Variants in MC2R observed in about 807,000 individuals in gnomAD.
MC2R encodes adrenocorticotropic hormone receptor.
In MC2R, 9 loss-of-function variants were observed where a neutral mutation model predicts 9.8. That is an observed-to-expected ratio of 0.92 (90% CI 0.55 to 1.60). The LOEUF is 1.60. Among genes scored for constraint, MC2R ranks in the 40% most tolerant of loss-of-function variants. The probability of loss-of-function intolerance (pLI) is 0.00; values close to 1 mark genes in which losing one functional copy is unlikely to be tolerated. For synonymous variants in MC2R, 185 were observed against 154.7 expected (o/e 1.20, Z -1.45); for missense variants, 370 against 389.0 (o/e 0.95, Z 0.41).
intron 1 of MC2R, among the ~76,000 whole-genome samples, chr18:13,901,933 A>C (rs1462755670): frequency 2.0e-5 from 3 of 152,192 alleles, no homozygotes; most frequent in Non-Finnish European, 4.4e-5. Flanking sequence ...CATCAAAAAA[A>C]GAAAACTATA....
At chr18:13,913,186 A>G (rs2045455908) in intron 1 of MC2R, among the ~76,000 whole-genome samples, 1 of 151,078 alleles carries the variant, frequency 6.6e-6, no homozygotes, top group African/African-American at 2.4e-5. Context: ...CCCAGGCTGG[A>G]GTGTTCTGGT....
chr18:13,896,985 C>A (rs756645766), intron 1 of MC2R, among the ~76,000 whole-genome samples: 1 of 152,212 alleles, frequency 6.6e-6, no homozygotes, highest in Non-Finnish European at 1.5e-5. Flanking sequence ...GAAGGCTCCA[C>A]TGATTGTCCC....
chr18:13,897,333 G>A (rs1050214579), intron 1 of MC2R, among the ~76,000 whole-genome samples: 23 of 152,172 alleles, frequency 1.5e-4, no homozygotes, highest in African/African-American at 4.8e-4. Flanking sequence ...CCCTAGCCAG[G>A]GGGAATCGCT....
intron 1 of MC2R, among the ~76,000 whole-genome samples, chr18:13,906,929 T>G (rs1302154937): frequency 1.3e-5 from 2 of 152,176 alleles, no homozygotes; most frequent in South Asian, 4.1e-4. Context: ...TAATTAATAT[T>G]GTTAAAATTT....
chr18:13,909,532 A>C (rs2149143731), intron 1 of MC2R, among the ~76,000 whole-genome samples: 1 of 152,332 alleles, frequency 6.6e-6, no homozygotes, highest in Non-Finnish European at 1.5e-5. Context: ...GTTCTTCTGC[A>C]TGGGAGATTA....
At chr18:13,906,500 A>T (rs2045415315) in intron 1 of MC2R, among the ~76,000 whole-genome samples, 1 of 152,192 alleles carries the variant, frequency 6.6e-6, no homozygotes, top group African/African-American at 2.4e-5. Flanking sequence ...TGGTACATGT[A>T]TACCTATGTA....
At chr18:13,907,386 G>T (rs1275144387) in intron 1 of MC2R, among the ~76,000 whole-genome samples, 1 of 152,156 alleles carries the variant, frequency 6.6e-6, no homozygotes, top group African/African-American at 2.4e-5. Flanking sequence ...ATGGATTAAA[G>T]ACTTAAATCT....
intron 1 of MC2R, among the ~76,000 whole-genome samples, chr18:13,887,130 A>T (rs567160226): frequency 6.6e-6 from 1 of 151,798 alleles, no homozygotes; most frequent in East Asian, 1.9e-4. Flanking sequence ...GGCCCGGGGA[A>T]GCCTGTGTGC....
At chr18:13,894,840 T>C (rs1170990898) in intron 1 of MC2R, among the ~76,000 whole-genome samples, 1 of 152,228 alleles carries the variant, frequency 6.6e-6, no homozygotes, top group Non-Finnish European at 1.5e-5. Context: ...ATCATATATT[T>C]GTTTAAGCCC....
intron 1 of MC2R, among the ~76,000 whole-genome samples, chr18:13,910,888 C>G (rs1271792783): frequency 6.6e-6 from 1 of 152,228 alleles, no homozygotes; most frequent in Non-Finnish European, 1.5e-5. Context: ...GTCCCAGTGT[C>G]TCTCCTACAA....
intron 1 of MC2R, among the ~76,000 whole-genome samples, chr18:13,893,256 C>T (rs2045327544): frequency 6.6e-6 from 1 of 152,314 alleles, no homozygotes. Context: ...AAGCATTTGT[C>T]TTGTTATCCA....
intron 1 of MC2R, among the ~76,000 whole-genome samples, chr18:13,888,759 G>A (rs542239184): frequency 1.3e-5 from 2 of 152,252 alleles, no homozygotes; most frequent in Admixed American, 1.3e-4. Context: ...ATTGCCTGTA[G>A]AACACACTAA....
At position 13,884,915 on chromosome 18, in the gene MC2R, A is replaced by G. The variant is rs2045264592; in HGVS notation, c.604T>C (p.Ser202Pro). Residue 202 changes from serine to proline, a missense_variant, in exon 2 of 2, where the codon TCC becomes CCC. Transcript: ENST00000327606. ...LYVHMFLLAR[S>P]HTRKISTLPR... ...AGGGTGGAGATCTTCCTGGTGTGGGATCGAGCCAGCAGGAACATGTGCACA... is the reference window on the plus strand; with the variant it reads ...AGGGTGGAGATCTTCCTGGTGTGGGGTCGAGCCAGCAGGAACATGTGCACA... The G allele has an allele frequency of 6.2e-7, 1 of 1,613,650 alleles. No homozygotes were observed. Among genetic ancestry groups the G allele is most frequent in the Non-Finnish European group, 8.5e-7 (1 of 1,179,946 alleles).
At chr18:13,896,529 A>T (rs559410447) in intron 1 of MC2R, among the ~76,000 whole-genome samples, 14 of 152,368 alleles carry the variant, frequency 9.2e-5, no homozygotes, top group African/African-American at 3.4e-4. Flanking sequence ...AGAAAAGAAG[A>T]TAAAAAACAG....
At chr18:13,907,866 A>C (rs4121591) in intron 1 of MC2R, among the ~76,000 whole-genome samples, 1 of 152,100 alleles carries the variant, frequency 6.6e-6, no homozygotes, top group African/African-American at 2.4e-5. Flanking sequence ...CTTATATCCA[A>C]AAACGGGCGA....
rs2045270325 is a variant in MC2R at position 13,885,454 on chromosome 18, G to A, written c.65C>T (p.Pro22Leu). ...NNTARNNSDC[P>L]RVVLPEEIFF... Reference sequence around the variant, plus strand: ...TATCTCCTCCGGCAAAACCACACGAGGACAGTCGGAATTATTTCTTGCTGT... The same window carrying A: ...TATCTCCTCCGGCAAAACCACACGAAGACAGTCGGAATTATTTCTTGCTGT... The change falls in exon 2 of 2, where the codon CCT (proline) becomes CTT (leucine). Residue 22 changes from proline (P) to leucine (L), a missense_variant. Transcript: ENST00000327606. 1.9e-6 allele frequency: 3 copies of A among 1,614,044 alleles called. No individual in the cohort carries two copies. The highest frequency in any genetic ancestry group is 1.6e-4 in the Middle Eastern group (1 of 6,062).
chr18:13,885,267 G>A lies in MC2R; in HGVS notation c.252C>T (p.Ile84=), dbSNP rs192383499. 4.2e-5 allele frequency: 68 copies of A among 1,614,102 alleles called. 1 individual carries two copies. In the East Asian group the frequency reaches 1.5e-3, roughly 35 times the overall value. The change falls in exon 2 of 2, where the codon ATC becomes ATT. Residue 84 remains isoleucine (I), a synonymous_variant. Coordinates refer to ENST00000327606, the MANE Select transcript of MC2R (RefSeq NM_000529.2). ...SLYKILENIL[I]ILRNMGYLKP... The stretch of plus-strand genomic sequence containing the variant: ...TGAGATAGCCCATGTTTCTCAATAT[G>A]ATCAGGATATTTTCCAAGATCTTAT...
At chr18:13,897,246 G>A (rs1465133785) in intron 1 of MC2R, among the ~76,000 whole-genome samples, 3 of 152,114 alleles carry the variant, frequency 2.0e-5, no homozygotes. Context: ...TGAACTCAGT[G>A]GTGTCTTATT....
chr18:13,885,535 T>G lies in MC2R; in HGVS notation c.-17A>C. On this transcript the variant is annotated 5_prime_UTR_variant, in exon 2 of 2. Transcript: ENST00000327606. ...GTGCTTCATTTCTCCTGCTTGTGGT[T>G]AAGGCGGGGATGTTACTTGGACTTG... 1 of 1,614,076 alleles carries G rather than the reference T, an allele frequency of 6.2e-7. No homozygotes were observed.
Sources: allele counts gnomAD v4.1 joint callset (sites outside exome capture counted in the v4.1 genomes callset), GRCh38; gene constraint gnomAD v4.1.1; transcripts MANE v1.5; gene names NCBI Gene and HGNC (gene_info 2026-07-23, HGNC 2026-07-21).